Variants in EPHA5 observed in about 807,000 individuals in gnomAD.
EPHA5 encodes the protein ephrin type-A receptor 5.
Under a neutral mutation model 105.0 loss-of-function variants are expected in EPHA5, and 60 were observed. The observed-to-expected ratio is 0.57, with a 90% CI of 0.46 to 0.71. The LOEUF is 0.71. EPHA5 is among the 30% of genes least tolerant of loss of function. The pLI, the probability that EPHA5 is intolerant of heterozygous loss-of-function variation, is 0.00. For synonymous variants in EPHA5, 513 were observed against 449.1 expected (o/e 1.14, Z -1.80); for missense variants, 1,218 against 1,274.7 (o/e 0.96, Z 0.68).
At chr4:65,353,368 T>C (rs926905080) in intron 11 of EPHA5, among the ~76,000 whole-genome samples, 12 of 149,210 alleles carry the variant, frequency 8.0e-5, no homozygotes, top group Non-Finnish European at 1.5e-4. Context: ...TTTAAAACTA[T>C]TTAAATATTT....
At chr4:65,625,828 G>C (rs1746090844) in intron 2 of EPHA5, among the ~76,000 whole-genome samples, 2 of 152,084 alleles carry the variant, frequency 1.3e-5, no homozygotes, top group Non-Finnish European at 1.5e-5. Context: ...TAAAGAATGC[G>C]CGGCCGGGCG....
At chr4:65,548,071 G>C (rs577469789) in intron 3 of EPHA5, among the ~76,000 whole-genome samples, 1 of 150,554 alleles carries the variant, frequency 6.6e-6, no homozygotes, top group Non-Finnish European at 1.5e-5. Context: ...CCATAAAATA[G>C]GACAATATGA....
chr4:65,325,418 G>T (rs1719981917), intron 16 of EPHA5, among the ~76,000 whole-genome samples: 1 of 150,780 alleles, frequency 6.6e-6, no homozygotes, highest in South Asian at 2.1e-4. Flanking sequence ...TCCCTTTATG[G>T]TTTCTTGATT....
At position 65,319,716 on chromosome 4, in the gene EPHA5, G is replaced by GA. The variant is rs1719488950; in HGVS notation, c.*4397dup. 4.4e-6 allele frequency: 1 copy of GA among 226,494 alleles called. No individual in the cohort carries two copies. The highest frequency in any genetic ancestry group is 2.2e-5 in the African/African-American group (1 of 44,956). The allele number at this position is 226,494 out of a possible 1,614,324, so 14.0% of individuals were successfully genotyped here. On this transcript the variant is annotated 3_prime_UTR_variant, in exon 17 of 17. Transcript: ENST00000613740. ...CTTCTTTGAATTAACTGTGAGACAG[G>GA]AACTTGAGATAGCCTGATGTATATC... is the stretch of plus-strand genomic sequence containing the variant.
At chr4:65,573,969 A>G in intron 3 of EPHA5, 1 of 1,582,520 alleles carries the variant, frequency 6.3e-7, no homozygotes, top group Non-Finnish European at 8.7e-7. Context: ...GCAGCTGGCT[A>G]GTGGCTTATT....
intron 8 of EPHA5, among the ~76,000 whole-genome samples, chr4:65,393,805 C>G (rs1464425534): frequency 2.0e-5 from 3 of 152,074 alleles, no homozygotes; most frequent in Non-Finnish European, 1.5e-5. Context: ...GCAAATAAAT[C>G]CAAGACAACA....
intron 5 of EPHA5, among the ~76,000 whole-genome samples, chr4:65,456,055 A>C (rs1727552221): frequency 6.6e-6 from 1 of 152,240 alleles, no homozygotes; most frequent in Non-Finnish European, 1.5e-5. Context: ...TTAAATGGAC[A>C]GTAGAAGATC....
chr4:65,486,291 A>G (rs912996251), intron 5 of EPHA5, among the ~76,000 whole-genome samples: 4 of 139,618 alleles, frequency 2.9e-5, no homozygotes, highest in African/African-American at 8.3e-5. Context: ...TTCCCTCTCT[A>G]TATGAAGAGG....
rs1750296307 is a variant in EPHA5 at position 65,669,714 on chromosome 4, C to T, written c.29G>A (p.Gly10Glu). 7.8e-7 allele frequency: 1 copy of T among 1,285,862 alleles called. No homozygotes were observed. Among genetic ancestry groups the T allele is most frequent in the Non-Finnish European group, 9.9e-7 (1 of 1,014,642 alleles). 79.7% of individuals were successfully genotyped at this position (1,285,862 alleles called of 1,614,324 possible). A position where few individuals can be genotyped will look rare whatever the true frequency, so the allele number is the denominator to read the frequency against. Residue 10 changes from glycine (G) to glutamate (E), a missense_variant, in exon 1 of 17, where the codon GGA becomes GAA. Physicochemically the swap from Gly to Glu is moderately conservative, Grantham distance 98 (BLOSUM62 -2). This residue lies in a region of EPHA5 where 233 missense variants were observed against 227.5 expected (regional missense o/e 1.02). Coordinates refer to ENST00000613740, the MANE Select transcript of EPHA5 (RefSeq NM_001281766.3). The part of the protein sequence containing the change: MRGSGPRGA[G>E]RRRPPSGGGD... ...GCCGCCGCTTGGGGGCCGCCGGCGT[C>T]CCGCACCCCGGGGCCCCGAGCCCCG...
At chr4:65,647,348 A>G (rs966600248) in intron 1 of EPHA5, among the ~76,000 whole-genome samples, 9 of 151,148 alleles carry the variant, frequency 6.0e-5, no homozygotes, top group African/African-American at 2.2e-4. Context: ...AAAAAAAAAA[A>G]AAAAGAAGTT....
intron 3 of EPHA5, among the ~76,000 whole-genome samples, chr4:65,496,543 T>A (rs1313835942): frequency 1.3e-5 from 2 of 151,664 alleles, no homozygotes; most frequent in African/African-American, 4.8e-5. Context: ...TCCATGTCCC[T>A]ACAAAGGACA....
intron 5 of EPHA5, among the ~76,000 whole-genome samples, chr4:65,425,595 T>C (rs1000942585): frequency 6.6e-6 from 1 of 151,888 alleles, no homozygotes; most frequent in Non-Finnish European, 1.5e-5. Context: ...GATTAATTCT[T>C]CTTTTTAAAA....
At chr4:65,360,480 T>C (rs1370036118) in intron 11 of EPHA5, among the ~76,000 whole-genome samples, 1 of 151,740 alleles carries the variant, frequency 6.6e-6, no homozygotes, top group Non-Finnish European at 1.5e-5. Context: ...ATTCCCATGC[T>C]AGTTTTATGA....
chr4:65,625,194 C>T (rs111544165), intron 2 of EPHA5, among the ~76,000 whole-genome samples: 65 of 151,928 alleles, frequency 4.3e-4, no homozygotes, highest in African/African-American at 1.5e-3. Flanking sequence ...ATATAGAGAG[C>T]TATGTTGTAG....
chr4:65,362,031 T>C (rs1162007564), intron 11 of EPHA5, among the ~76,000 whole-genome samples: 3 of 151,680 alleles, frequency 2.0e-5, no homozygotes, highest in Admixed American at 1.3e-4. Context: ...GTGTCTTGCA[T>C]TTCAAATGAG....
At chr4:65,482,117 G>A (rs1409811590) in intron 5 of EPHA5, among the ~76,000 whole-genome samples, 2 of 152,026 alleles carry the variant, frequency 1.3e-5, no homozygotes, top group Admixed American at 6.6e-5. Context: ...GGCCAACACG[G>A]GGAAATCATG....
chr4:65,497,150 A>G (rs1161196795), intron 3 of EPHA5, among the ~76,000 whole-genome samples: 1 of 152,166 alleles, frequency 6.6e-6, no homozygotes, highest in Non-Finnish European at 1.5e-5. Flanking sequence ...TTCAAAGCTC[A>G]CTACATATAC....
chr4:65,367,749 G>A (rs545662888), intron 8 of EPHA5, among the ~76,000 whole-genome samples: 1 of 150,802 alleles, frequency 6.6e-6, no homozygotes, highest in African/African-American at 2.4e-5. Flanking sequence ...TTATTTTTTG[G>A]CAGTTCAAAA....
At chr4:65,441,957 G>A (rs182161338) in intron 5 of EPHA5, among the ~76,000 whole-genome samples, 71 of 152,146 alleles carry the variant, frequency 4.7e-4, no homozygotes, top group African/African-American at 1.7e-3. Flanking sequence ...ACTATGCCAG[G>A]TGTTTGACAT....
Sources: allele counts gnomAD v4.1 joint callset (sites outside exome capture counted in the v4.1 genomes callset), GRCh38; gene constraint gnomAD v4.1.1; regional missense constraint gnomAD v4.1.1; transcripts MANE v1.5; gene names NCBI Gene and HGNC (gene_info 2026-07-23, HGNC 2026-07-21).